The following EPHB6 variants were observed in gnomAD, a reference collection of about 807,000 sequenced individuals.
EPHB6 encodes EPH receptor B6, also known as ephrin type-B receptor 6.
A neutral mutation model predicts 107.0 loss-of-function variants in EPHB6; 51 were observed. The observed-to-expected ratio is 0.48, with a 90% CI of 0.38 to 0.60. EPHB6 has a LOEUF of 0.60. Among genes scored for constraint, EPHB6 ranks in the 20% least tolerant of loss-of-function variants. The probability of loss-of-function intolerance (pLI) is 0.00; values close to 1 mark genes in which losing one functional copy is unlikely to be tolerated. For synonymous variants in EPHB6, 553 were observed against 549.0 expected (o/e 1.01, Z -0.10); for missense variants, 1,141 against 1,355.5 (o/e 0.84, Z 2.48).
Position 142,868,202 on chromosome 7 carries a change from T to C in EPHB6, c.1919-39T>C. The C allele has an allele frequency of 2.5e-6, 4 of 1,614,062 alleles. No individual in the cohort carries two copies. The highest frequency in any genetic ancestry group is 3.4e-6 in the Non-Finnish European group (4 of 1,179,998). The stretch of plus-strand genomic sequence containing the variant: ...TCTGGGGTGCGCGGGCAGCCCTGCC[T>C]TTCACAACACGCTCATAACATACTC... On this transcript the variant is annotated intron_variant, in intron 13 of 19. Coordinates refer to ENST00000652003, the MANE Select transcript of EPHB6 (RefSeq NM_004445.6). This position sits in a 1 kb window ranked among gnomAD's most constrained non-coding sequence, Gnocchi z 4.2.
intron 6 of EPHB6, 48 bp downstream of exon 6, chr7:142,863,743 C>A: frequency 6.3e-7 from 1 of 1,593,278 alleles, no homozygotes; most frequent in Non-Finnish European, 8.6e-7. Context: ...CCCTGCCCCT[C>A]CCTGTTCCCT....
chr7:142,870,682 T>C lies in EPHB6; in HGVS notation c.2957T>C (p.Leu986Pro). The change falls in exon 19 of 20, where the codon CTA becomes CCA. Residue 986 changes from leucine to proline, a missense_variant. This residue lies in a region of EPHB6 where 616 missense variants were observed against 759.3 expected (regional missense o/e 0.81). Transcript: ENST00000652003. ...TTCAGTGATGTGGCTCAGCTCAGCC[T>C]AGAGTAAGCAGGGAGTGGTGGGGTG... Reference protein sequence around the residue: ...CTFSDVAQLSLEDLPALGITL... With the variant: ...CTFSDVAQLSPEDLPALGITL... 5.0e-6 allele frequency: 8 copies of C among 1,614,184 alleles called. No individual in the cohort carries two copies. The highest frequency in any genetic ancestry group is 6.8e-6 in the Non-Finnish European group (8 of 1,180,022).
Position 142,868,830 on chromosome 7 carries a change from AC to A in EPHB6, c.2286+93del. Reference sequence around the variant, plus strand: ...CTGTATCTTTGCTTCTTACCACCCCACCTTCCATGGTCTCCGTCCTTCCTTC... The same window carrying A: ...CTGTATCTTTGCTTCTTACCACCCCACTTCCATGGTCTCCGTCCTTCCTTC... On this transcript the variant is annotated intron_variant, in intron 15 of 19. Coordinates refer to ENST00000652003, the MANE Select transcript of EPHB6 (RefSeq NM_004445.6). The surrounding 1 kb of genome is among the most constrained non-coding windows in gnomAD (Gnocchi z 4.2). 3 of 1,604,600 alleles carry A rather than the reference AC, an allele frequency of 1.9e-6. No individual in the cohort carries two copies. The highest frequency in any genetic ancestry group is 3.4e-5 in the Admixed American group (2 of 59,354).
In EPHB6 at chr7:142,867,717, C is replaced by T. The variant is rs753619000; in HGVS notation, c.1860C>T (p.Phe620=). 1 of 1,610,334 alleles carries T rather than the reference C, an allele frequency of 6.2e-7. No homozygotes were observed. Among genetic ancestry groups the T allele is most frequent in the Non-Finnish European group, 8.5e-7 (1 of 1,179,080 alleles). ...CCATCACCGTGCTGGCGGTCGTCTT[C>T]CAGCGGTGAGTCCCCACCCCTGCCC... ...LAAITVLAVV[F]QRKRRGTGYT... is the part of the protein sequence containing the mutation. Residue 620 remains phenylalanine (F), a synonymous_variant, in exon 12 of 20, where the codon TTC becomes TTT. Transcript: ENST00000652003. This position sits in a 1 kb window ranked among gnomAD's most constrained non-coding sequence, Gnocchi z 5.3.
intron 1 of EPHB6, among the ~76,000 whole-genome samples, chr7:142,859,579 T>C (rs1416536671): frequency 6.6e-6 from 1 of 152,244 alleles, no homozygotes; most frequent in Non-Finnish European, 1.5e-5. Context: ...TCTGGTTTGT[T>C]TGATAAGTAA....
In EPHB6 at chr7:142,868,619, A is replaced by C; in HGVS notation, c.2166A>C (p.Ala722=). The C allele has an allele frequency of 6.2e-7, 1 of 1,613,836 alleles. No homozygotes were observed. Among genetic ancestry groups the C allele is most frequent in the South Asian group, 1.1e-5 (1 of 91,082 alleles). Residue 722 remains alanine, a synonymous_variant, in exon 15 of 20, where the codon GCA becomes GCC. Transcript: ENST00000652003. This position sits in a 1 kb window ranked among gnomAD's most constrained non-coding sequence, Gnocchi z 4.2. ...AGATGACCTTCCTGGGCCGGGCCGC[A>C]GTGCTGGGTCAGTTCCAGCACCCCA... The part of the protein sequence containing the change: ...SLQMTFLGRA[A]VLGQFQHPNI...
At position 142,864,292 on chromosome 7, in the gene EPHB6, TCCC is replaced by T; in HGVS notation, c.493_495del (p.Pro165del). 6 of 1,510,462 alleles carry T rather than the reference TCCC, an allele frequency of 4.0e-6. No homozygotes were observed. The highest frequency in any genetic ancestry group is 3.6e-6 in the Non-Finnish European group (4 of 1,126,746). 93.6% of individuals were successfully genotyped at this position (1,510,462 alleles called of 1,614,324 possible). A position where few individuals can be genotyped will look rare whatever the true frequency, so the allele number is the denominator to read the frequency against. ...ACACAATTGCAGCAGACGAGAGCTTTCCCTCCTCCTCCTCCTCCTCCTCCTCCT... is the reference window on the plus strand; with the variant it reads ...ACACAATTGCAGCAGACGAGAGCTTTTCCTCCTCCTCCTCCTCCTCCTCCT... On this transcript the variant is annotated inframe_deletion, in exon 7 of 20. Transcript: ENST00000652003.
rs143338098 is a variant in EPHB6, at chr7:142,868,271, C to T, written c.1949C>T (p.Ser650Phe). Residue 650 changes from serine to phenylalanine, a missense_variant, in exon 14 of 20, where the codon TCC becomes TTC. By Grantham distance (155) the Ser-to-Phe change is radical. Around this residue, in one of 3 missense-constraint regions of EPHB6, gnomAD observed 616 missense variants for 759.3 expected, o/e 0.81. Coordinates refer to ENST00000652003, the MANE Select transcript of EPHB6 (RefSeq NM_004445.6). The surrounding 1 kb of genome is among the most constrained non-coding windows in gnomAD (Gnocchi z 4.2). ...GGGGTGAAGTATTACATCGACCCCT[C>T]CACCTACGAGGACCCCTGTCAGGCC... The part of the protein sequence containing the change: ...GLGVKYYIDP[S>F]TYEDPCQAIR... The T allele has an allele frequency of 1.2e-6, 2 of 1,614,172 alleles. No homozygotes were observed. Among genetic ancestry groups the T allele is most frequent in the Non-Finnish European group, 1.7e-6 (2 of 1,180,026 alleles).
rs1291242587 is a variant in EPHB6, at chr7:142,865,499, C to G, written c.974C>G (p.Ala325Gly). The G allele has an allele frequency of 1.2e-6, 2 of 1,613,260 alleles. No homozygotes were observed. The highest frequency in any genetic ancestry group is 3.3e-5 in the Admixed American group (2 of 60,018). ...CQACPRGLYKASAGNAPCSPC... is the reference protein window; with the variant it reads ...CQACPRGLYKGSAGNAPCSPC... The stretch of plus-strand genomic sequence containing the variant: ...GCCTGCCCACGGGGGCTCTATAAGG[C>G]TTCTGCTGGGAATGCTCCCTGCTCA... The change falls in exon 8 of 20, where the codon GCT becomes GGT. Residue 325 changes from alanine (A) to glycine (G), a missense_variant. Around this residue, in one of 3 missense-constraint regions of EPHB6, gnomAD observed 304 missense variants for 295.7 expected, o/e 1.03. Transcript: ENST00000652003.
Position 142,870,889 on chromosome 7 carries a change from C to T in EPHB6, c.3054C>T (p.Gly1018=). Residue 1018 remains glycine, a synonymous_variant, in exon 20 of 20, where the codon GGC becomes GGT. Transcript: ENST00000652003. ...TTCAGCAACACCTGAGGCAGCAGGGCTCAGTGGAGGTCTGAGAATGACGAT... is the reference window on the plus strand; with the variant it reads ...TTCAGCAACACCTGAGGCAGCAGGGTTCAGTGGAGGTCTGAGAATGACGAT... ...QLLQQHLRQQ[G]SVEV 1.2e-6 allele frequency: 2 copies of T among 1,613,560 alleles called. No individual in the cohort carries two copies. The highest frequency in any genetic ancestry group is 1.7e-6 in the Non-Finnish European group (2 of 1,179,900).
At position 142,866,042 on chromosome 7, in the gene EPHB6, G is replaced by A. The variant is rs201060719; in HGVS notation, c.1188G>A (p.Leu396=). The change falls in exon 9 of 20, where the codon CTG becomes CTA. Residue 396 remains leucine, a synonymous_variant. Coordinates refer to ENST00000652003, the MANE Select transcript of EPHB6 (RefSeq NM_004445.6). This position sits in a 1 kb window ranked among gnomAD's most constrained non-coding sequence, Gnocchi z 5.2. ...TACACTGGCGCCTGCCTCGGGAGCT[G>A]GGGGGTCGAGGGGACCTGCTCTTCA... ...LMLHWRLPRE[L]GGRGDLLFNV... The A allele has an allele frequency of 2.5e-6, 4 of 1,612,242 alleles. No homozygotes were observed. The highest frequency in any genetic ancestry group is 3.4e-6 in the Non-Finnish European group (4 of 1,179,146).
rs2116446828 is a variant in EPHB6, at chr7:142,866,330, C to T, written c.1462+14C>T. On this transcript the variant is annotated intron_variant, in intron 9 of 19. Coordinates refer to ENST00000652003, the MANE Select transcript of EPHB6 (RefSeq NM_004445.6). The surrounding 1 kb of genome is among the most constrained non-coding windows in gnomAD (Gnocchi z 5.2). The stretch of plus-strand genomic sequence containing the variant: ...CCAGCCATGAAGGTGAGCTCTTTTC[C>T]TTGGCCTTCAGGATCCCCTGCCTCC... 1 of 1,613,698 alleles carries T rather than the reference C, an allele frequency of 6.2e-7. No individual in the cohort carries two copies. The highest frequency in any genetic ancestry group is 8.5e-7 in the Non-Finnish European group (1 of 1,179,948).
chr7:142,865,903 A>G, intron 8 of EPHB6, 57 bp from the exon 9 acceptor site: 1 of 1,563,448 alleles, frequency 6.4e-7, no homozygotes, highest in Non-Finnish European at 8.8e-7. Context: ...TCCTTCCTCA[A>G]TCACCCCCAC....
In EPHB6 at chr7:142,864,235, C is replaced by T. The variant is rs1803006448; in HGVS notation, c.435C>T (p.Ser145=). Residue 145 remains serine (S), a synonymous_variant, in exon 7 of 20, where the codon TCC becomes TCT. Coordinates refer to ENST00000652003, the MANE Select transcript of EPHB6 (RefSeq NM_004445.6). ...AGCCCGACAGCCCTGACAGCGTTTC[C>T]TCCTGGCACCTCAAACGCTGGACCA... ...AEEPDSPDSV[S]SWHLKRWTKV... 6.2e-7 allele frequency: 1 copy of T among 1,613,946 alleles called. No individual in the cohort carries two copies.
intron 2 of EPHB6, among the ~76,000 whole-genome samples, chr7:142,861,637 G>C (rs1012676095): frequency 1.2e-4 from 18 of 152,160 alleles, no homozygotes; most frequent in African/African-American, 4.3e-4. Flanking sequence ...TTTTATATCA[G>C]TGCATCAACA....
rs746909707 is a variant in EPHB6 at position 142,869,180 on chromosome 7, GC to G, written c.2460+35del. On this transcript the variant is annotated intron_variant, in intron 16 of 19. Coordinates refer to ENST00000652003, the MANE Select transcript of EPHB6 (RefSeq NM_004445.6). The surrounding 1 kb of genome is among the most constrained non-coding windows in gnomAD (Gnocchi z 4.5). ...CACAGCCTTGGGGACACAGCCTGGG[GC>G]CTTGTGGCATGCCCCAGCAGGTGCT... 1.2e-6 allele frequency: 2 copies of G among 1,604,320 alleles called. No individual in the cohort carries two copies.
rs766835497 is a variant in EPHB6, at chr7:142,869,863, A to T, written c.2507A>T (p.His836Leu). 6.2e-7 allele frequency: 1 copy of T among 1,614,116 alleles called. No individual in the cohort carries two copies. The highest frequency in any genetic ancestry group is 1.7e-5 in the Admixed American group (1 of 60,018). ...TGGGCAGCCCCAGAGGTCATTGCAC[A>T]TGGAAAGCATACAACATCCAGTGAT... Reference protein sequence around the residue: ...LRWAAPEVIAHGKHTTSSDVW... With the variant: ...LRWAAPEVIALGKHTTSSDVW... Residue 836 changes from histidine (H) to leucine (L), a missense_variant, in exon 17 of 20, where the codon CAT becomes CTT. This residue lies in a region of EPHB6 where 616 missense variants were observed against 759.3 expected (regional missense o/e 0.81). Transcript: ENST00000652003. The surrounding 1 kb of genome is among the most constrained non-coding windows in gnomAD (Gnocchi z 4.5).
In EPHB6 at chr7:142,855,965, C is replaced by G. The variant is rs1040985120; in HGVS notation, c.-432+580C>G. ...CGTGCTCCTGCCCCAGCTCCACCCT[C>G]GCTCTGCTCCCTCCATCTGGGTGCT... On this transcript the variant is annotated intron_variant, in intron 1 of 19. Transcript: ENST00000652003. This position sits in a 1 kb window ranked among gnomAD's most constrained non-coding sequence, Gnocchi z 4.2. 6.6e-6 allele frequency among the ~76,000 whole-genome samples: 1 copy of G among 152,234 alleles called. No individual in the cohort carries two copies. The highest frequency in any genetic ancestry group is 1.5e-5 in the Non-Finnish European group (1 of 68,034).
rs1794888837 is a variant in EPHB6, at chr7:142,870,838, G to A, written c.3003G>A (p.Lys1001=). The change falls in exon 20 of 20, where the codon AAG becomes AAA. Residue 1001 remains lysine, a synonymous_variant. Coordinates refer to ENST00000652003, the MANE Select transcript of EPHB6 (RefSeq NM_004445.6). ...ALGITLAGHQ[K]KLLHHIQLLQ... is the part of the protein sequence containing the mutation. ...GCATCACCCTGGCTGGCCACCAGAAGAAGCTGCTGCACCACATCCAGCTCC... is the reference window on the plus strand; with the variant it reads ...GCATCACCCTGGCTGGCCACCAGAAAAAGCTGCTGCACCACATCCAGCTCC... 1 of 1,614,006 alleles carries A rather than the reference G, an allele frequency of 6.2e-7. No individual in the cohort carries two copies. Among genetic ancestry groups the A allele is most frequent in the Admixed American group, 1.7e-5 (1 of 60,006 alleles).
Sources: allele counts gnomAD v4.1 joint callset (sites outside exome capture counted in the v4.1 genomes callset), GRCh38; gene constraint gnomAD v4.1.1; regional missense constraint gnomAD v4.1.1; non-coding constraint Gnocchi (gnomAD v3.1); transcripts MANE v1.5; gene names NCBI Gene and HGNC (gene_info 2026-07-23, HGNC 2026-07-21).